Variants in NAE1 observed in about 807,000 individuals in gnomAD.
NAE1 encodes NEDD8 activating enzyme E1 subunit 1.
NAE1 carries 59 observed loss-of-function variants against 88.0 expected under a neutral mutation model. That is an observed-to-expected ratio of 0.67 (90% CI 0.54 to 0.83). NAE1 has a LOEUF of 0.83. Among genes scored for constraint, NAE1 ranks in the 40% least tolerant of loss-of-function variants. NAE1 has a pLI of 0.00. For synonymous variants in NAE1, 186 were observed against 208.9 expected, an observed-to-expected ratio of 0.89 and a Z score of 0.95; for missense variants, 554 against 632.8, an observed-to-expected ratio of 0.88 and a Z score of 1.34.
Position 66,816,615 on chromosome 16 carries a change from A to G in NAE1, c.806T>C (p.Ile269Thr). The change falls in exon 11 of 20, where the codon ATT (isoleucine) becomes ACT (threonine). Residue 269 changes from isoleucine to threonine, a missense_variant. Physicochemically the swap from Ile to Thr is moderately conservative, Grantham distance 89 (BLOSUM62 -1). Coordinates refer to ENST00000290810, the MANE Select transcript of NAE1 (RefSeq NM_003905.4). ...ATTTAGTGCTGTGTTCACATTTTTA[A>G]TAGCTTCTTCAAAATTCTCTTCATC... is the stretch of plus-strand genomic sequence containing the variant. ...PEDEENFEEA[I>T]KNVNTALNTT... 1.2e-6 allele frequency: 2 copies of G among 1,612,204 alleles called. No individual in the cohort carries two copies. The highest frequency in any genetic ancestry group is 1.7e-6 in the Non-Finnish European group (2 of 1,178,778).
intron 1 of NAE1, 119 bp from the exon 2 acceptor site, chr16:66,826,899 G>C: frequency 8.2e-6 from 7 of 857,278 alleles, no homozygotes; most frequent in Non-Finnish European, 1.3e-5. Context: ...ACAGAATACA[G>C]GTAAGACGGG....
In NAE1 at chr16:66,823,345, C is replaced by A. The variant is rs367609565; in HGVS notation, c.322-39G>T. 52 of 1,487,010 alleles carry A rather than the reference C, an allele frequency of 3.5e-5. No homozygotes were observed. In the East Asian group the frequency reaches 4.6e-4, roughly 13 times the overall value. The allele number at this position is 1,487,010 out of a possible 1,614,324, so 92.1% of individuals were successfully genotyped here. ...CAAAGAAAAAAACAAACAAAAAAAACCAATTTCACAATCATATTAAACATG... is the reference window on the plus strand; with the variant it reads ...CAAAGAAAAAAACAAACAAAAAAAAACAATTTCACAATCATATTAAACATG... On this transcript the variant is annotated intron_variant, in intron 5 of 19. Coordinates refer to ENST00000290810, the MANE Select transcript of NAE1 (RefSeq NM_003905.4).
At chr16:66,828,541 G>T (rs907883985) in intron 1 of NAE1, among the ~76,000 whole-genome samples, 1 of 151,516 alleles carries the variant, frequency 6.6e-6, no homozygotes, top group Non-Finnish European at 1.5e-5. Context: ...GTGAGATAGT[G>T]TGTGTGCCTG....
Position 66,802,903 on chromosome 16 carries a change from A to C in NAE1, c.*106T>G. On this transcript the variant is annotated 3_prime_UTR_variant, in exon 20 of 20. Coordinates refer to ENST00000290810, the MANE Select transcript of NAE1 (RefSeq NM_003905.4). The stretch of plus-strand genomic sequence containing the variant: ...TTACAAATGAGAAAAATGTTTATTA[A>C]GAAAACAATTTAGCAGCTCTCCTTT... 1 of 714,264 alleles carries C rather than the reference A, an allele frequency of 1.4e-6. No homozygotes were observed. The highest frequency in any genetic ancestry group is 2.4e-6 in the Non-Finnish European group (1 of 412,622). The allele number at this position is 714,264 out of a possible 1,614,324, so 44.2% of individuals were successfully genotyped here. A position where few individuals can be genotyped will look rare whatever the true frequency, so the allele number is the denominator to read the frequency against.
chr16:66,805,333 C>T (rs1233346347), intron 19 of NAE1, among the ~76,000 whole-genome samples: 1 of 152,048 alleles, frequency 6.6e-6, no homozygotes, highest in African/African-American at 2.4e-5. Flanking sequence ...AGGACACAAT[C>T]AGAGCTATGC....
At chr16:66,819,739 T>C (rs1960178467) in intron 7 of NAE1, among the ~76,000 whole-genome samples, 1 of 152,234 alleles carries the variant, frequency 6.6e-6, no homozygotes, top group East Asian at 1.9e-4. Flanking sequence ...TTTCTGATTT[T>C]GGATTTTTGG....
At chr16:66,830,405 G>A (rs192677783) in intron 1 of NAE1, among the ~76,000 whole-genome samples, 106 of 152,296 alleles carry the variant, frequency 7.0e-4, no homozygotes, top group Non-Finnish European at 1.3e-3. Flanking sequence ...CTTTAGTGTG[G>A]TTACTAGAAA....
intron 17 of NAE1, among the ~76,000 whole-genome samples, chr16:66,806,358 G>A (rs1392905739): frequency 6.6e-6 from 1 of 152,120 alleles, no homozygotes; most frequent in Admixed American, 6.5e-5. Flanking sequence ...CTTTATAAAA[G>A]TTATTCTCCA....
intron 6 of NAE1, among the ~76,000 whole-genome samples, chr16:66,822,379 T>C (rs1960298282): frequency 6.6e-6 from 1 of 152,146 alleles, no homozygotes; most frequent in Non-Finnish European, 1.5e-5. Context: ...GAGATCAGCC[T>C]GGCCAACATG....
At chr16:66,821,965 G>A (rs1255094360) in intron 6 of NAE1, among the ~76,000 whole-genome samples, 1 of 152,054 alleles carries the variant, frequency 6.6e-6, no homozygotes, top group African/African-American at 2.4e-5. Context: ...GACCTCCCAG[G>A]CTCAAGTGAT....
rs781574270 is a variant in NAE1 at position 66,810,404 on chromosome 16, A to G, written c.1120T>C (p.Ser374Pro). 4.4e-6 allele frequency: 7 copies of G among 1,601,552 alleles called. No homozygotes were observed. The African/African-American group carries it at 9.4e-5, about 22-fold the overall frequency. ...LLQSIGQAPE[S>P]ISEKELKLLC... is the part of the protein sequence containing the mutation. ...AATTTTAATTCTTTCTCTGAAATGG[A>G]CTCTGGTGCCTGTAAAGAGATAAAT... The change falls in exon 15 of 20, where the codon TCC becomes CCC. Residue 374 changes from serine to proline, a missense_variant. Coordinates refer to ENST00000290810, the MANE Select transcript of NAE1 (RefSeq NM_003905.4).
At chr16:66,823,083 A>AGCTC in intron 6 of NAE1, 144 bp downstream of exon 6, 3 of 426,628 alleles carry the variant, frequency 7.0e-6, no homozygotes, top group Non-Finnish European at 1.2e-5. Flanking sequence ...GCTCAAAAAA[A>AGCTC]AAAAAAAAAA....
At chr16:66,805,474 A>G (rs1959525546) in intron 19 of NAE1, among the ~76,000 whole-genome samples, 1 of 152,032 alleles carries the variant, frequency 6.6e-6, no homozygotes, top group African/African-American at 2.4e-5. Flanking sequence ...CCCTGTCTCT[A>G]CAAAAAATTG....
At chr16:66,830,196 G>C (rs945483848) in intron 1 of NAE1, among the ~76,000 whole-genome samples, 2 of 152,136 alleles carry the variant, frequency 1.3e-5, no homozygotes, top group African/African-American at 4.8e-5. Context: ...CTCCAAGACA[G>C]TTTTAAAAAG....
At chr16:66,809,636 A>T (rs532650861) in intron 15 of NAE1, among the ~76,000 whole-genome samples, 1 of 152,320 alleles carries the variant, frequency 6.6e-6, no homozygotes, top group Admixed American at 6.5e-5. Flanking sequence ...ACAAACGCTA[A>T]TTCAAGATTA....
chr16:66,825,103 T>G (rs575936004), intron 3 of NAE1, among the ~76,000 whole-genome samples: 5 of 152,234 alleles, frequency 3.3e-5, no homozygotes, highest in Non-Finnish European at 5.9e-5. Flanking sequence ...TACCACAGCA[T>G]GTGAATTTCA....
intron 13 of NAE1, among the ~76,000 whole-genome samples, chr16:66,811,142 T>C (rs1959782087): frequency 2.0e-5 from 3 of 152,210 alleles, no homozygotes; most frequent in African/African-American, 7.2e-5. Flanking sequence ...ACATTAAAAC[T>C]GTTCATCTCC....
intron 17 of NAE1, among the ~76,000 whole-genome samples, chr16:66,807,908 C>T (rs1478217395): frequency 6.9e-6 from 1 of 145,030 alleles, no homozygotes; most frequent in Non-Finnish European, 1.5e-5. Flanking sequence ...TAGTAGCATA[C>T]TTTTTTTTTT....
rs1431185330 is a variant in NAE1, at chr16:66,818,731, G to C, written c.512-94C>G. ...GCTGTATTACCCAGGCTGAAGTACA[G>C]TGGCACAATCACAGCTCACTGCTGA... On this transcript the variant is annotated intron_variant, in intron 7 of 19. Transcript: ENST00000290810. 6.3e-6 allele frequency: 9 copies of C among 1,424,710 alleles called. No homozygotes were observed. The African/African-American group carries it at 1.0e-4, about 16-fold the overall frequency. 88.3% of individuals were successfully genotyped at this position (1,424,710 alleles called of 1,614,324 possible).
Sources: gnomAD v4.1 joint callset for allele counts (sites outside exome capture counted in the v4.1 genomes callset) on GRCh38, gnomAD v4.1.1 for gene constraint, MANE v1.5 for transcripts, NCBI Gene and HGNC (gene_info 2026-07-23, HGNC 2026-07-21) for gene names.